The following MSH5 variants were observed in gnomAD, a reference collection of about 807,000 sequenced individuals.
The protein encoded by MSH5 is mutS homolog 5.
Under a neutral mutation model 107.7 loss-of-function variants are expected in MSH5, and 78 were observed. The observed-to-expected ratio is 0.72, with a 90% CI of 0.60 to 0.87. The LOEUF (loss-of-function observed/expected upper bound fraction) is 0.87. MSH5 is among the 40% of genes least tolerant of loss of function. MSH5 has a pLI of 0.00. For missense variants in MSH5, 889 were observed against 1,046.6 expected, an observed-to-expected ratio of 0.85 and a Z score of 2.08; for synonymous variants, 326 against 399.5, an observed-to-expected ratio of 0.82 and a Z score of 2.19.
intron 3 of MSH5, 50 bp downstream of exon 3, chr6:31,741,336 TAC>T (rs9279401): frequency 0.055 from 49,355 of 890,934 alleles, 1,530 homozygotes; most frequent in Middle Eastern, 0.096. Context: ...GCAGATGTGT[TAC>T]ACACACACAC....
At chr6:31,744,664 G>C in intron 8 of MSH5, 83 bp downstream of exon 8, 1 of 1,456,682 alleles carries the variant, frequency 6.9e-7, no homozygotes, top group Non-Finnish European at 9.6e-7. Flanking sequence ...TGAGGCTCTA[G>C]TTTCCCTAAT....
chr6:31,758,375 T>C lies in MSH5; in HGVS notation c.1143+82T>C. On this transcript the variant is annotated intron_variant, in intron 13 of 24. Transcript: ENST00000375750. The surrounding 1 kb of genome is among the most constrained non-coding windows in gnomAD (Gnocchi z 5.1). ...GTGCAAGATGGGGAAACATGGAAGA[T>C]ATTGAGGTCAATTGGATAAAGAATG... 1 of 1,588,616 alleles carries C rather than the reference T, an allele frequency of 6.3e-7. No homozygotes were observed. Among genetic ancestry groups the C allele is most frequent in the Non-Finnish European group, 8.6e-7 (1 of 1,163,462 alleles).
At chr6:31,746,557 TC>T (rs1205310570) in intron 9 of MSH5, among the ~76,000 whole-genome samples, 4 of 151,846 alleles carry the variant, frequency 2.6e-5, no homozygotes, top group Non-Finnish European at 5.9e-5. Context: ...TTCTGCCTCA[TC>T]CTACCTCAGC....
intron 5 of MSH5, among the ~76,000 whole-genome samples, chr6:31,743,644 C>G (rs972791524): frequency 6.6e-6 from 1 of 152,182 alleles, no homozygotes. Flanking sequence ...ATCCTCAATT[C>G]CAGACAGATG....
At chr6:31,753,717 A>C in intron 12 of MSH5, 88 bp downstream of exon 12, 1 of 1,251,024 alleles carries the variant, frequency 8.0e-7, no homozygotes, top group Non-Finnish European at 1.2e-6. Context: ...CATGCTGTCC[A>C]ATTTTATTCT....
In MSH5 at chr6:31,760,575, A is replaced by G. The variant is rs1186422131; in HGVS notation, c.1813-115A>G. On this transcript the variant is annotated intron_variant, in intron 19 of 24. Transcript: ENST00000375750. This position sits in a 1 kb window ranked among gnomAD's most constrained non-coding sequence, Gnocchi z 5.6. The stretch of plus-strand genomic sequence containing the variant: ...GACAGAGTCAGTGTGTCTGTTACCT[A>G]TTTCTCCTGTTTCACCCTGTCCATT... 4.4e-6 allele frequency: 6 copies of G among 1,350,434 alleles called. No individual in the cohort carries two copies. Among genetic ancestry groups the G allele is most frequent in the African/African-American group, 1.4e-5 (1 of 69,838 alleles). 83.7% of individuals were successfully genotyped at this position (1,350,434 alleles called of 1,614,324 possible).
Position 31,760,604 on chromosome 6 carries a change from C to G in MSH5, c.1813-86C>G. 1 of 1,548,710 alleles carries G rather than the reference C, an allele frequency of 6.5e-7. No homozygotes were observed. On this transcript the variant is annotated intron_variant, in intron 19 of 24. Coordinates refer to ENST00000375750, the MANE Select transcript of MSH5 (RefSeq NM_172166.4). This position sits in a 1 kb window ranked among gnomAD's most constrained non-coding sequence, Gnocchi z 5.6. ...CTCCTGTTTCACCCTGTCCATTTCTCTTTGATGTGCCATTCATGCCTTGAG... is the reference window on the plus strand; with the variant it reads ...CTCCTGTTTCACCCTGTCCATTTCTGTTTGATGTGCCATTCATGCCTTGAG...
chr6:31,760,527 A>G lies in MSH5; in HGVS notation c.1813-163A>G, dbSNP rs1319510049. 6.6e-6 allele frequency among the ~76,000 whole-genome samples: 1 copy of G among 152,212 alleles called. No homozygotes were observed. The highest frequency in any genetic ancestry group is 1.5e-5 in the Non-Finnish European group (1 of 68,038). ...TGATTCTAAATTAGCCCACAGGGCT[A>G]TGGTCAGGATTCGGGGAGGAGAGAC... On this transcript the variant is annotated intron_variant, in intron 19 of 24. Coordinates refer to ENST00000375750, the MANE Select transcript of MSH5 (RefSeq NM_172166.4). The surrounding 1 kb of genome is among the most constrained non-coding windows in gnomAD (Gnocchi z 5.6).
At chr6:31,753,999 T>TA (rs1195369737) in intron 12 of MSH5, 2 of 204,484 alleles carry the variant, frequency 9.8e-6, no homozygotes, top group Non-Finnish European at 2.1e-5. Flanking sequence ...GTGCTGGGAT[T>TA]ACAGGTGTGA....
rs1374809697 is a variant in MSH5, at chr6:31,759,124, C to G, written c.1354C>G (p.Leu452Val). 6.2e-7 allele frequency: 1 copy of G among 1,612,930 alleles called. No homozygotes were observed. The highest frequency in any genetic ancestry group is 1.3e-5 in the African/African-American group (1 of 74,920). ...LIGFLLSIPR[L>V]PSMVEASDFE... Reference sequence around the variant, plus strand: ...TGGCTTCCTTCTTTCTATTCCCCGCCTGCCTTCCATGGTAGAGGCCAGTGA... The same window carrying G: ...TGGCTTCCTTCTTTCTATTCCCCGCGTGCCTTCCATGGTAGAGGCCAGTGA... Residue 452 changes from leucine (L) to valine (V), a missense_variant, in exon 16 of 25, where the codon CTG (leucine) becomes GTG (valine). By Grantham distance (32) the Leu-to-Val change is conservative (BLOSUM62 1). This residue lies in a region of MSH5 where 518 missense variants were observed against 565.0 expected (regional missense o/e 0.92). Coordinates refer to ENST00000375750, the MANE Select transcript of MSH5 (RefSeq NM_172166.4). This position sits in a 1 kb window ranked among gnomAD's most constrained non-coding sequence, Gnocchi z 4.7.
At position 31,759,852 on chromosome 6, in the gene MSH5, G is replaced by T. The variant is rs1431554863; in HGVS notation, c.1562G>T (p.Arg521Leu). The T allele has an allele frequency of 1.2e-6, 2 of 1,614,076 alleles. No homozygotes were observed. Among genetic ancestry groups the T allele is most frequent in the Non-Finnish European group, 1.7e-6 (2 of 1,180,038 alleles). Residue 521 changes from arginine to leucine, a missense_variant, in exon 18 of 25, where the codon CGA (arginine) becomes CTA (leucine). Arg to Leu is a moderately radical substitution (Grantham distance 102). This residue lies in a region of MSH5 where 362 missense variants were observed against 456.2 expected (regional missense o/e 0.79). Transcript: ENST00000375750. The surrounding 1 kb of genome is among the most constrained non-coding windows in gnomAD (Gnocchi z 4.7). ...QVLARAAVLT[R>L]VLDLASRLDV... ...CTGGCACGAGCAGCTGTCTTAACCC[G>T]AGTATTGGACCTTGCCTCCCGCCTG...
At chr6:31,741,385 ATT>A (rs1226602653) in intron 3 of MSH5, 99 bp downstream of exon 3, 18 of 1,046,642 alleles carry the variant, frequency 1.7e-5, no homozygotes, top group East Asian at 3.2e-5. Context: ...ACACACACAT[ATT>A]TTTTTTTTCT....
chr6:31,748,554 G>A (rs1315061216), intron 10 of MSH5, among the ~76,000 whole-genome samples: 1 of 151,668 alleles, frequency 6.6e-6, no homozygotes, highest in Non-Finnish European at 1.5e-5. Context: ...TCACCATGTT[G>A]GTCAGGCTGG....
chr6:31,759,283 G>A lies in MSH5; in HGVS notation c.1407+106G>A, dbSNP rs1357373260. 8.0e-6 allele frequency: 11 copies of A among 1,371,638 alleles called. No individual in the cohort carries two copies. Among genetic ancestry groups the A allele is most frequent in the African/African-American group, 1.4e-5 (1 of 69,910 alleles). The allele number at this position is 1,371,638 out of a possible 1,614,324, so 85.0% of individuals were successfully genotyped here. A position where few individuals can be genotyped will look rare whatever the true frequency, so the allele number is the denominator to read the frequency against. On this transcript the variant is annotated intron_variant, in intron 16 of 24. Transcript: ENST00000375750. The surrounding 1 kb of genome is among the most constrained non-coding windows in gnomAD (Gnocchi z 4.7). ...CTGCCCAATATGGGATCTCTCCTCT[G>A]TAGTTTTACTCTGAGCTTTACCAGC...
At chr6:31,745,194 A>G (rs758455238) in intron 8 of MSH5, 43 bp from the exon 9 acceptor site, 53 of 1,278,340 alleles carry the variant, frequency 4.1e-5, no homozygotes, top group Non-Finnish European at 5.9e-5. Flanking sequence ...TATTCCCTTC[A>G]AAAGTCCAAG....
In MSH5 at chr6:31,759,468, AGGAGCT is replaced by A; in HGVS notation, c.1455_1460del (p.Glu485_Leu486del). The A allele has an allele frequency of 6.2e-7, 1 of 1,612,732 alleles. No homozygotes were observed. The highest frequency in any genetic ancestry group is 1.3e-5 in the African/African-American group (1 of 75,014). On this transcript the variant is annotated inframe_deletion, in exon 17 of 25. Transcript: ENST00000375750. This position sits in a 1 kb window ranked among gnomAD's most constrained non-coding sequence, Gnocchi z 4.7. ...CTGCACTATCGTAGTGCCCGAACCA[AGGAGCT>A]GGATGCATTGCTGGGGGACCTGCAC...
At position 31,761,485 on chromosome 6, in the gene MSH5, C is replaced by T. The variant is rs780625907; in HGVS notation, c.2051C>T (p.Ala684Val). Residue 684 changes from alanine to valine, a missense_variant, in exon 22 of 25, where the codon GCG becomes GTG. Physicochemically the swap from Ala to Val is moderately conservative, Grantham distance 64. Coordinates refer to ENST00000375750, the MANE Select transcript of MSH5 (RefSeq NM_172166.4). This position sits in a 1 kb window ranked among gnomAD's most constrained non-coding sequence, Gnocchi z 5.3. ...CCCTCTTTGCAGGTGGATGGGCTCGCGCTTCTGGCCGCTGTGCTCCGACAC... is the reference window on the plus strand; with the variant it reads ...CCCTCTTTGCAGGTGGATGGGCTCGTGCTTCTGGCCGCTGTGCTCCGACAC... ...GKGTNTVDGL[A>V]LLAAVLRHWL... 15 of 1,613,072 alleles carry T rather than the reference C, an allele frequency of 9.3e-6. No homozygotes were observed. Among genetic ancestry groups the T allele is most frequent in the Admixed American group, 1.7e-5 (1 of 60,012 alleles).
intron 10 of MSH5, among the ~76,000 whole-genome samples, chr6:31,750,492 T>C (rs1428659356): frequency 6.6e-6 from 1 of 152,374 alleles, no homozygotes; most frequent in Non-Finnish European, 1.5e-5. Context: ...GGTATGACTT[T>C]GGGCAAGTTG....
rs1308359649 is a variant in MSH5 at position 31,743,524 on chromosome 6, G to T, written c.415+354G>T. The T allele has an allele frequency of 1.4e-5, 6 of 444,100 alleles. No individual in the cohort carries two copies. The Admixed American group carries it at 2.4e-4, about 18-fold the overall frequency. 27.5% of individuals were successfully genotyped at this position (444,100 alleles called of 1,614,324 possible). On this transcript the variant is annotated intron_variant, in intron 5 of 24. Transcript: ENST00000375750. ...AGTGACCCTTATTATGATCCATAAG[G>T]CACTTCTATAACTTTCCTAGGTTTA... is the stretch of plus-strand genomic sequence containing the variant.
Sources: allele counts gnomAD v4.1 joint callset (sites outside exome capture counted in the v4.1 genomes callset), GRCh38; gene constraint gnomAD v4.1.1; regional missense constraint gnomAD v4.1.1; non-coding constraint Gnocchi (gnomAD v3.1); transcripts MANE v1.5; gene names NCBI Gene and HGNC (gene_info 2026-07-23, HGNC 2026-07-21).